CREB1: variants seen among roughly 807,000 people sequenced by gnomAD.
CREB1 encodes the protein cyclic AMP-responsive element-binding protein 1.
Under a neutral mutation model 42.0 loss-of-function variants are expected in CREB1, and 2 were observed. That is an observed-to-expected ratio of 0.05 (90% CI 0.02 to 0.15). The LOEUF is 0.15. CREB1 is among the 10% of genes least tolerant of loss of function. CREB1 has a pLI of 1.00. For missense variants in CREB1, 199 were observed against 388.9 expected (o/e 0.51, Z 4.11); for synonymous variants, 123 against 139.9 (o/e 0.88, Z 0.85).
chr2:207,544,304 A>G (rs1257542293), intron 1 of CREB1, among the ~76,000 whole-genome samples: 7 of 152,188 alleles, frequency 4.6e-5, no homozygotes, highest in Admixed American at 4.6e-4. Flanking sequence ...TGATTTCATT[A>G]TGTTCTTAAT....
Position 207,599,672 on chromosome 2 carries a change from T to C in CREB1, c.*2614T>C, listed in dbSNP as rs1157997820. ...AAGATTTCAGTTTATAAAGATAAAATCAAGCATCTTTTGTGCAGTTTTCTT... is the reference window on the plus strand; with the variant it reads ...AAGATTTCAGTTTATAAAGATAAAACCAAGCATCTTTTGTGCAGTTTTCTT... On this transcript the variant is annotated 3_prime_UTR_variant, in exon 8 of 8. Coordinates refer to ENST00000353267, the MANE Select transcript of CREB1 (RefSeq NM_004379.5). 5.0e-6 allele frequency: 1 copy of C among 199,264 alleles called. No individual in the cohort carries two copies. The highest frequency in any genetic ancestry group is 7.8e-5 in the East Asian group (1 of 12,838). The allele number at this position is 199,264 out of a possible 1,614,324, so 12.3% of individuals were successfully genotyped here. A position where few individuals can be genotyped will look rare whatever the true frequency, so the allele number is the denominator to read the frequency against.
chr2:207,554,913 T>C (rs915388605), intron 1 of CREB1, among the ~76,000 whole-genome samples: 6 of 152,136 alleles, frequency 3.9e-5, no homozygotes, highest in Non-Finnish European at 8.8e-5. Flanking sequence ...CAACTTGGGC[T>C]CTTGAAATTA....
chr2:207,589,685 C>G (rs1039376270), intron 7 of CREB1, among the ~76,000 whole-genome samples: 7 of 152,084 alleles, frequency 4.6e-5, no homozygotes, highest in African/African-American at 1.7e-4. Context: ...TTAATCTTGT[C>G]AAATGCTTTT....
At chr2:207,580,632 T>G (rs930335779) in intron 7 of CREB1, 1 of 218,770 alleles carries the variant, frequency 4.6e-6, no homozygotes, top group South Asian at 1.8e-4. Context: ...TCCAAAAAAT[T>G]CATCACTATC....
chr2:207,539,109 C>T (rs985498764), intron 1 of CREB1, among the ~76,000 whole-genome samples: 7 of 146,794 alleles, frequency 4.8e-5, no homozygotes, highest in African/African-American at 7.6e-5. Context: ...GGTGTGATCT[C>T]GGCTCACTGC....
Position 207,597,466 on chromosome 2 carries a change from G to T in CREB1, c.*408G>T, listed in dbSNP as rs1191923773. The T allele has an allele frequency of 4.4e-6, 1 of 229,052 alleles. No individual in the cohort carries two copies. Among genetic ancestry groups the T allele is most frequent in the Non-Finnish European group, 8.6e-6 (1 of 116,064 alleles). 14.2% of individuals were successfully genotyped at this position (229,052 alleles called of 1,614,324 possible). On this transcript the variant is annotated 3_prime_UTR_variant, in exon 8 of 8. Coordinates refer to ENST00000353267, the MANE Select transcript of CREB1 (RefSeq NM_004379.5). Reference sequence around the variant, plus strand: ...CCAGCCTCTTGAGCTGAAGTAATGTGTGGGCCGCATGCATAAAGTAAGTAA... The same window carrying T: ...CCAGCCTCTTGAGCTGAAGTAATGTTTGGGCCGCATGCATAAAGTAAGTAA...
intron 2 of CREB1, among the ~76,000 whole-genome samples, chr2:207,558,502 G>T (rs2081822293): frequency 6.6e-6 from 1 of 151,798 alleles, no homozygotes; most frequent in African/African-American, 2.4e-5. Flanking sequence ...CACTTCCCTC[G>T]TTCCCATCTC....
At chr2:207,574,695 A>C (rs1189345230) in intron 5 of CREB1, among the ~76,000 whole-genome samples, 11 of 152,192 alleles carry the variant, frequency 7.2e-5, no homozygotes, top group Non-Finnish European at 8.8e-5. Flanking sequence ...GACTGTTGAT[A>C]ATTAAGTTCC....
intron 1 of CREB1, chr2:207,550,289 G>T (rs1292071267): frequency 6.7e-6 from 1 of 149,532 alleles, no homozygotes; most frequent in Non-Finnish European, 1.5e-5. Flanking sequence ...CCACTTGTTA[G>T]TGTGCAGGGA....
At chr2:207,536,164 A>G (rs900352600) in intron 1 of CREB1, among the ~76,000 whole-genome samples, 1 of 152,242 alleles carries the variant, frequency 6.6e-6, no homozygotes, top group African/African-American at 2.4e-5. Flanking sequence ...TTTAAAATGT[A>G]CACACTATGA....
In CREB1 at chr2:207,605,271, GTC is replaced by G. The variant is rs142169610; in HGVS notation, c.*8218_*8219del. Among the ~76,000 whole-genome samples the G allele has an allele frequency of 4.3e-4, 66 of 152,218 alleles. No homozygotes were observed. In the East Asian group the frequency reaches 0.012, roughly 27 times the overall value. ...AATTATAGCCATCCTCATGGGTGTG[GTC>G]TCTCATTGTGGTTTTGATTTGCATT... On this transcript the variant is annotated 3_prime_UTR_variant, in exon 8 of 8. Coordinates refer to ENST00000353267, the MANE Select transcript of CREB1 (RefSeq NM_004379.5).
chr2:207,559,561 A>G (rs572459128), intron 2 of CREB1, among the ~76,000 whole-genome samples: 1 of 152,196 alleles, frequency 6.6e-6, no homozygotes, highest in African/African-American at 2.4e-5. Flanking sequence ...TAAAATTCCT[A>G]TCCTTGAATG....
intron 7 of CREB1, among the ~76,000 whole-genome samples, chr2:207,593,451 G>A (rs2085467265): frequency 6.6e-6 from 1 of 152,162 alleles, no homozygotes; most frequent in African/African-American, 2.4e-5. Context: ...GATCACTTGA[G>A]CCTGGGAGGT....
At chr2:207,577,447 C>T (rs1333151390) in intron 6 of CREB1, 58 bp from the exon 7 acceptor site, 5 of 1,577,968 alleles carry the variant, frequency 3.2e-6, no homozygotes, top group African/African-American at 1.3e-5. Context: ...GATTGATACA[C>T]ATAATTGAAT....
rs78823096 is a variant in CREB1 at position 207,599,567 on chromosome 2, G to C, written c.*2509G>C. The C allele has an allele frequency of 3.8e-4, 75 of 197,570 alleles. 1 individual carries two copies. Among genetic ancestry groups the C allele is most frequent in the African/African-American group, 1.7e-3 (73 of 43,512 alleles). The allele number at this position is 197,570 out of a possible 1,614,324, so 12.2% of individuals were successfully genotyped here. A position where few individuals can be genotyped will look rare whatever the true frequency, so the allele number is the denominator to read the frequency against. On this transcript the variant is annotated 3_prime_UTR_variant, in exon 8 of 8. Coordinates refer to ENST00000353267, the MANE Select transcript of CREB1 (RefSeq NM_004379.5). ...TCATACCTTGAGGATGATTGCACTG[G>C]TTTTGAAGTCAGTTGCTTAATGATG...
intron 5 of CREB1, among the ~76,000 whole-genome samples, chr2:207,572,461 T>C (rs1394221784): frequency 6.6e-6 from 1 of 152,208 alleles, no homozygotes; most frequent in Non-Finnish European, 1.5e-5. Context: ...CATAGATATA[T>C]AAACACACAT....
intron 2 of CREB1, among the ~76,000 whole-genome samples, chr2:207,557,872 AG>A (rs2081793555): frequency 2.6e-5 from 4 of 152,326 alleles, no homozygotes; most frequent in Admixed American, 2.0e-4. Context: ...TGAGTTAGCT[AG>A]GTATATTTTC....
intron 7 of CREB1, among the ~76,000 whole-genome samples, chr2:207,584,518 C>G: frequency 6.6e-6 from 1 of 152,170 alleles, no homozygotes; most frequent in South Asian, 2.1e-4. Context: ...ATTCTCGTGC[C>G]TCAGCCTCCC....
At chr2:207,563,491 A>G (rs1408704413) in intron 3 of CREB1, among the ~76,000 whole-genome samples, 1 of 152,242 alleles carries the variant, frequency 6.6e-6, no homozygotes, top group Non-Finnish European at 1.5e-5. Flanking sequence ...AAGCTTGCAT[A>G]ATTGGTAGAT....
Sources: gnomAD v4.1 joint callset for allele counts (sites outside exome capture counted in the v4.1 genomes callset) on GRCh38, gnomAD v4.1.1 for gene constraint, MANE v1.5 for transcripts, NCBI Gene and HGNC (gene_info 2026-07-23, HGNC 2026-07-21) for gene names.